Variants in CBFA2T2 observed in about 807,000 individuals in gnomAD.
CBFA2T2 encodes protein CBFA2T2.
A neutral mutation model predicts 62.2 loss-of-function variants in CBFA2T2; 11 were observed. That is an observed-to-expected ratio of 0.18 (90% CI 0.11 to 0.29). The LOEUF is 0.29. CBFA2T2 is among the 10% of genes least tolerant of loss of function. The probability of loss-of-function intolerance (pLI) is 1.00; values close to 1 mark genes in which losing one functional copy is unlikely to be tolerated. For synonymous variants in CBFA2T2, 295 were observed against 287.5 expected, an observed-to-expected ratio of 1.03 and a Z score of -0.27; for missense variants, 592 against 774.1, an observed-to-expected ratio of 0.76 and a Z score of 2.79.
intron 1 of CBFA2T2, among the ~76,000 whole-genome samples, chr20:33,538,468 T>C (rs1044173939): frequency 6.6e-6 from 1 of 151,912 alleles, no homozygotes; most frequent in Non-Finnish European, 1.5e-5. Flanking sequence ...GCATCCTGGG[T>C]TCAAGCAATT....
chr20:33,544,523 T>C (rs920488652), intron 1 of CBFA2T2, among the ~76,000 whole-genome samples: 1 of 152,118 alleles, frequency 6.6e-6, no homozygotes, highest in African/African-American at 2.4e-5. Context: ...ATCTTGTCTA[T>C]TTGATTTATT....
intron 1 of CBFA2T2, among the ~76,000 whole-genome samples, chr20:33,597,415 CAG>C (rs2014938998): frequency 6.6e-6 from 1 of 152,146 alleles, no homozygotes. Context: ...TATGTTAAGA[CAG>C]GGGTCTCCAA....
intron 1 of CBFA2T2, among the ~76,000 whole-genome samples, chr20:33,558,748 T>G (rs1478851836): frequency 1.3e-5 from 2 of 152,110 alleles, no homozygotes; most frequent in African/African-American, 2.4e-5. Context: ...TGCAAAATGA[T>G]GATATTCCAG....
In CBFA2T2 at chr20:33,607,122, G is replaced by A. The variant is rs751162862; in HGVS notation, c.178+23G>A. On this transcript the variant is annotated intron_variant, in intron 2 of 10. Transcript: ENST00000342704. ...CATGTGAGACCTCTTAGTTACTTAT[G>A]TTTGTAGTTCAGAGTGACATTTGGA... is the stretch of plus-strand genomic sequence containing the variant. 6.8e-6 allele frequency: 11 copies of A among 1,607,282 alleles called. No individual in the cohort carries two copies. The African/African-American group carries it at 8.0e-5, about 12-fold the overall frequency.
intron 1 of CBFA2T2, among the ~76,000 whole-genome samples, chr20:33,584,826 G>T (rs2146918310): frequency 6.6e-6 from 1 of 152,310 alleles, no homozygotes; most frequent in Middle Eastern, 3.4e-3. Flanking sequence ...CTGTTTTGGT[G>T]TGTTTAAGCA....
chr20:33,621,338 G>T (rs1240783431), intron 4 of CBFA2T2, among the ~76,000 whole-genome samples: 3 of 90,480 alleles, frequency 3.3e-5, no homozygotes, highest in Non-Finnish European at 4.1e-5. Context: ...TCGCCCTGTT[G>T]CCCAGGCTGG....
chr20:33,618,729 G>A (rs1282986565), intron 3 of CBFA2T2, among the ~76,000 whole-genome samples: 2 of 152,096 alleles, frequency 1.3e-5, no homozygotes, highest in Non-Finnish European at 2.9e-5. Flanking sequence ...AAAAAGAAAT[G>A]AACTTTTGAA....
chr20:33,587,222 G>C (rs2014406749), intron 1 of CBFA2T2, among the ~76,000 whole-genome samples: 1 of 151,992 alleles, frequency 6.6e-6, no homozygotes, highest in African/African-American at 2.4e-5. Context: ...GGGATTACAG[G>C]CGTGAGCCAC....
chr20:33,626,058 C>T (rs1008805274), intron 6 of CBFA2T2, among the ~76,000 whole-genome samples: 8 of 152,060 alleles, frequency 5.3e-5, no homozygotes, highest in African/African-American at 1.9e-4. Flanking sequence ...GCCGAGATCA[C>T]GCCCCAGCAC....
chr20:33,626,661 A>G (rs760250042), intron 6 of CBFA2T2, among the ~76,000 whole-genome samples: 2 of 152,318 alleles, frequency 1.3e-5, no homozygotes, highest in Admixed American at 6.5e-5. Context: ...GGGTTTCCCT[A>G]AATTTCCATG....
intron 1 of CBFA2T2, among the ~76,000 whole-genome samples, chr20:33,494,172 C>T (rs1465972098): frequency 1.4e-5 from 2 of 145,682 alleles, no homozygotes; most frequent in Non-Finnish European, 3.0e-5. Flanking sequence ...TGAGCTACCG[C>T]GCCTGGCCTG....
chr20:33,617,896 G>C (rs894736211), intron 3 of CBFA2T2, among the ~76,000 whole-genome samples: 5 of 152,068 alleles, frequency 3.3e-5, no homozygotes, highest in African/African-American at 1.2e-4. Context: ...TGATATATTT[G>C]GAAAATCCAA....
In CBFA2T2 at chr20:33,514,528, G is replaced by C. The variant is rs563051994; in HGVS notation, c.34+24227G>C. Among the ~76,000 whole-genome samples, 158 of 152,014 alleles carry C rather than the reference G, an allele frequency of 1.0e-3. 1 individual carries two copies. The highest frequency in any genetic ancestry group is 3.7e-3 in the African/African-American group (155 of 41,486). ...AAGGAGGCTAGCATGGCTGGAGCAGGGGATGGAGCGAAAAGCTGATGTCAG... is the reference window on the plus strand; with the variant it reads ...AAGGAGGCTAGCATGGCTGGAGCAGCGGATGGAGCGAAAAGCTGATGTCAG... On this transcript the variant is annotated intron_variant, in intron 1 of 10. Coordinates refer to ENST00000342704, the MANE Select transcript of CBFA2T2 (RefSeq NM_001032999.3).
intron 1 of CBFA2T2, among the ~76,000 whole-genome samples, chr20:33,569,084 T>C (rs1243732166): frequency 1.3e-5 from 2 of 152,234 alleles, no homozygotes; most frequent in Non-Finnish European, 2.9e-5. Context: ...GATGGGATTT[T>C]ATGGAAAATT....
At chr20:33,600,758 G>GT (rs1406132965) in intron 1 of CBFA2T2, among the ~76,000 whole-genome samples, 5 of 152,024 alleles carry the variant, frequency 3.3e-5, no homozygotes, top group African/African-American at 1.2e-4. Flanking sequence ...AGTACTGTAT[G>GT]TCTGTCTTTC....
At chr20:33,525,614 A>G (rs1327661742) in intron 1 of CBFA2T2, among the ~76,000 whole-genome samples, 2 of 152,136 alleles carry the variant, frequency 1.3e-5, no homozygotes, top group African/African-American at 4.8e-5. Context: ...CCCATTAACA[A>G]TTACTGTCTA....
At chr20:33,632,614 G>A (rs1237017484) in intron 8 of CBFA2T2, among the ~76,000 whole-genome samples, 5 of 150,078 alleles carry the variant, frequency 3.3e-5, no homozygotes, top group Non-Finnish European at 5.9e-5. Flanking sequence ...GATTACAAGC[G>A]CCTGCCACCA....
At chr20:33,596,408 G>A (rs2014888857) in intron 1 of CBFA2T2, among the ~76,000 whole-genome samples, 1 of 152,060 alleles carries the variant, frequency 6.6e-6, no homozygotes, top group Admixed American at 6.6e-5. Flanking sequence ...ATTAATCACT[G>A]GTCTAATCAT....
rs1568875356 is a variant in CBFA2T2 at position 33,642,119 on chromosome 20, TGTG to T, written c.1488+1589_1488+1591del. Among the ~76,000 whole-genome samples the T allele has an allele frequency of 5.5e-3, 158 of 28,882 alleles. 1 individual carries two copies. The East Asian group carries it at 0.057, about 10-fold the overall frequency. The allele number at this position is 28,882 out of a possible 152,430, so 18.9% of individuals were successfully genotyped here. The stretch of plus-strand genomic sequence containing the variant: ...TCCTCCTTTGTCTTTTTTTTTTTTG[TGTG>T]TGTGTGTGTGTGTGTGTGTGTGTGT... On this transcript the variant is annotated intron_variant, in intron 10 of 10. Transcript: ENST00000342704.
Sources: allele counts gnomAD v4.1 joint callset (sites outside exome capture counted in the v4.1 genomes callset), GRCh38; gene constraint gnomAD v4.1.1; transcripts MANE v1.5; gene names NCBI Gene and HGNC (gene_info 2026-07-23, HGNC 2026-07-21).